SLC26A7: variants seen among roughly 807,000 people sequenced by gnomAD.
SLC26A7 encodes anion exchange transporter.
SLC26A7 carries 59 observed loss-of-function variants against 82.5 expected under a neutral mutation model. That is an observed-to-expected ratio of 0.72 (90% CI 0.58 to 0.89). The LOEUF (loss-of-function observed/expected upper bound fraction) is 0.89, where lower values mean the gene tolerates loss of function less well. Among genes scored for constraint, SLC26A7 ranks in the 40% least tolerant of loss-of-function variants. SLC26A7 has a pLI of 0.00. For synonymous variants in SLC26A7, 271 were observed against 274.3 expected (o/e 0.99, Z 0.12); for missense variants, 820 against 793.0 (o/e 1.03, Z -0.41).
chr8:91,350,312 A>G (rs1016432658), intron 9 of SLC26A7, among the ~76,000 whole-genome samples: 1 of 151,860 alleles, frequency 6.6e-6, no homozygotes, highest in African/African-American at 2.4e-5. Context: ...GGACATATGC[A>G]TGTAAGCAAT....
intron 5 of SLC26A7, among the ~76,000 whole-genome samples, chr8:91,326,992 C>T (rs1302292028): frequency 6.6e-6 from 1 of 152,086 alleles, no homozygotes; most frequent in Non-Finnish European, 1.5e-5. Flanking sequence ...TAGGGCCCAC[C>T]CAGGTAATTT....
At chr8:91,272,100 T>G (rs1811288879) in intron 2 of SLC26A7, among the ~76,000 whole-genome samples, 1 of 152,216 alleles carries the variant, frequency 6.6e-6, no homozygotes, top group African/African-American at 2.4e-5. Context: ...CTTAGTTTGA[T>G]TCTATGTCTC....
chr8:91,235,819 T>C (rs1288294002), intron 2 of SLC26A7, among the ~76,000 whole-genome samples: 1 of 152,164 alleles, frequency 6.6e-6, no homozygotes, highest in Admixed American at 6.5e-5. Context: ...CTTTTGACCA[T>C]TAGGCCATGG....
At chr8:91,239,389 A>ATATATAT (rs1264821995) in intron 2 of SLC26A7, among the ~76,000 whole-genome samples, 17 of 105,834 alleles carry the variant, frequency 1.6e-4, no homozygotes, top group African/African-American at 4.6e-4. Flanking sequence ...AAAAAAAAAA[A>ATATATAT]AAAAAAATAT....
At chr8:91,394,532 T>C (rs1808512983) in intron 18 of SLC26A7, 11 of 1,297,760 alleles carry the variant, frequency 8.5e-6, no homozygotes, top group Non-Finnish European at 9.8e-6. Flanking sequence ...TATGGTTTAG[T>C]TTTACAACTG....
intron 5 of SLC26A7, among the ~76,000 whole-genome samples, chr8:91,332,631 G>A (rs965146605): frequency 2.7e-5 from 4 of 150,858 alleles, no homozygotes; most frequent in African/African-American, 9.7e-5. Context: ...GGGCTTAAGG[G>A]ATTCCCCACC....
intron 10 of SLC26A7, 111 bp from the exon 11 acceptor site, chr8:91,352,790 C>G: frequency 1.3e-6 from 1 of 744,976 alleles, no homozygotes; most frequent in Non-Finnish European, 2.1e-6. Flanking sequence ...TCGGTGATTG[C>G]TTTTCTCTAT....
At chr8:91,231,798 T>C (rs56393966) in intron 2 of SLC26A7, among the ~76,000 whole-genome samples, 3,768 of 152,256 alleles carry the variant, frequency 0.025, 170 homozygotes, top group African/African-American at 0.084. Context: ...TGTGTATGTG[T>C]GTGTGTGCAC....
At chr8:91,272,593 G>C (rs528779613) in intron 2 of SLC26A7, among the ~76,000 whole-genome samples, 1 of 152,144 alleles carries the variant, frequency 6.6e-6, no homozygotes, top group South Asian at 2.1e-4. Flanking sequence ...ACTGACGAAG[G>C]GCACTATAGA....
intron 4 of SLC26A7, among the ~76,000 whole-genome samples, chr8:91,305,583 A>G (rs1366816714): frequency 6.6e-6 from 1 of 152,202 alleles, no homozygotes; most frequent in African/African-American, 2.4e-5. Flanking sequence ...CAAATTGTCT[A>G]TCCCTAGCAG....
chr8:91,317,630 A>C (rs1195243727), intron 4 of SLC26A7, among the ~76,000 whole-genome samples: 1 of 152,178 alleles, frequency 6.6e-6, no homozygotes, highest in African/African-American at 2.4e-5. Context: ...CATTTCTCAG[A>C]ATCTGGGAGA....
intron 4 of SLC26A7, among the ~76,000 whole-genome samples, chr8:91,304,324 T>C (rs1246420081): frequency 6.6e-6 from 1 of 152,162 alleles, no homozygotes; most frequent in Admixed American, 6.5e-5. Context: ...GGGTGGGTTA[T>C]TCCCTTGCTG....
chr8:91,356,103 C>T (rs1210453948), intron 11 of SLC26A7, among the ~76,000 whole-genome samples: 3 of 152,146 alleles, frequency 2.0e-5, no homozygotes, highest in Admixed American at 1.3e-4. Flanking sequence ...GTACATGTGC[C>T]ACATTTTCTT....
chr8:91,369,803 C>T lies in SLC26A7; in HGVS notation c.1645C>T (p.Leu549Phe). Residue 549 changes from leucine to phenylalanine, a missense_variant, in exon 15 of 19, where the codon CTT becomes TTT. Transcript: ENST00000276609. The stretch of plus-strand genomic sequence containing the variant: ...ATTTTAGTGTGAACAAAACACATTG[C>T]TTAATTCCCTATCCAATGGCAACTG... Reference protein sequence around the residue: ...DISKCEQNTLLNSLSNGNCNE... With the variant: ...DISKCEQNTLFNSLSNGNCNE... 1 of 1,600,536 alleles carries T rather than the reference C, an allele frequency of 6.2e-7. No individual in the cohort carries two copies. The highest frequency in any genetic ancestry group is 8.5e-7 in the Non-Finnish European group (1 of 1,173,732).
intron 2 of SLC26A7, among the ~76,000 whole-genome samples, chr8:91,259,788 C>T (rs1158927729): frequency 6.6e-6 from 1 of 152,084 alleles, no homozygotes; most frequent in African/African-American, 2.4e-5. Flanking sequence ...TAATTCTCAA[C>T]CATGGCTACA....
intron 2 of SLC26A7, among the ~76,000 whole-genome samples, chr8:91,279,135 A>G (rs1440743233): frequency 0.011 from 973 of 86,266 alleles, 12 homozygotes; most frequent in African/African-American, 0.037. Flanking sequence ...GTATATATAT[A>G]TATATATATA....
At chr8:91,368,718 C>T (rs563401665) in intron 14 of SLC26A7, among the ~76,000 whole-genome samples, 12 of 152,058 alleles carry the variant, frequency 7.9e-5, no homozygotes, top group Admixed American at 1.3e-4. Context: ...CCACCACGCC[C>T]GGCCCAGATG....
At position 91,334,223 on chromosome 8, in the gene SLC26A7, G is replaced by C. The variant is rs893794848; in HGVS notation, c.643-72G>C. The stretch of plus-strand genomic sequence containing the variant: ...TTTATAAAACATCATTGAGTTTATT[G>C]GGGCCATATTTTCATGTTGGTATAT... On this transcript the variant is annotated intron_variant, in intron 5 of 18. Transcript: ENST00000276609. 4 of 1,363,416 alleles carry C rather than the reference G, an allele frequency of 2.9e-6. No homozygotes were observed. In the African/African-American group the frequency reaches 4.4e-5, roughly 15 times the overall value. 84.5% of individuals were successfully genotyped at this position (1,363,416 alleles called of 1,614,324 possible). A position where few individuals can be genotyped will look rare whatever the true frequency, so the allele number is the denominator to read the frequency against.
intron 2 of SLC26A7, among the ~76,000 whole-genome samples, chr8:91,264,268 C>A (rs539050958): frequency 2.0e-5 from 3 of 152,170 alleles, no homozygotes; most frequent in African/African-American, 7.2e-5. Flanking sequence ...CAAGCTCAAG[C>A]AAACTAATTC....
Sources: gnomAD v4.1 joint callset for allele counts (sites outside exome capture counted in the v4.1 genomes callset) on GRCh38, gnomAD v4.1.1 for gene constraint, MANE v1.5 for transcripts, NCBI Gene and HGNC (gene_info 2026-07-23, HGNC 2026-07-21) for gene names.